The following LHPP variants were observed in gnomAD, a reference collection of about 807,000 sequenced individuals.
The protein encoded by LHPP is phospholysine phosphohistidine inorganic pyrophosphate phosphatase.
A neutral mutation model predicts 30.3 loss-of-function variants in LHPP; 24 were observed. The observed-to-expected ratio is 0.79, with a 90% confidence interval of 0.57 to 1.11. The LOEUF is 1.11. Among genes scored for constraint, LHPP ranks in the 50% most tolerant of loss-of-function variants. The probability of loss-of-function intolerance (pLI) is 0.00; values close to 1 mark genes in which losing one functional copy is unlikely to be tolerated. For missense variants in LHPP, 356 were observed against 367.2 expected, an observed-to-expected ratio of 0.97 and a Z score of 0.25; for synonymous variants, 150 against 157.1, an observed-to-expected ratio of 0.95 and a Z score of 0.34.
At chr10:124,585,905 C>T (rs535788297) in intron 6 of LHPP, among the ~76,000 whole-genome samples, 1 of 152,226 alleles carries the variant, frequency 6.6e-6, no homozygotes, top group East Asian at 2.0e-4. Flanking sequence ...CTGCCTCAGC[C>T]TCCGGAGTAG....
At chr10:124,600,254 A>C (rs557160235) in intron 6 of LHPP, among the ~76,000 whole-genome samples, 18 of 152,332 alleles carry the variant, frequency 1.2e-4, no homozygotes. Context: ...GGTTTGGCGC[A>C]GCCCCGGCTT....
chr10:124,565,999 G>C (rs1948484181), intron 6 of LHPP, among the ~76,000 whole-genome samples: 1 of 152,244 alleles, frequency 6.6e-6, no homozygotes, highest in Non-Finnish European at 1.5e-5. Context: ...GCCGAGGTGG[G>C]CCTGGAGCCG....
At chr10:124,481,933 A>G (rs1369585450) in intron 1 of LHPP, among the ~76,000 whole-genome samples, 2 of 151,798 alleles carry the variant, frequency 1.3e-5, no homozygotes, top group Non-Finnish European at 2.9e-5. Context: ...TCCTTTCCCC[A>G]CTATGTGGGA....
intron 5 of LHPP, among the ~76,000 whole-genome samples, chr10:124,513,462 C>CTTTTTTT (rs34225779): frequency 1.1e-5 from 1 of 92,218 alleles, no homozygotes; most frequent in Non-Finnish European, 1.9e-5. Context: ...ATTATTATTA[C>CTTTTTTT]TTTTTTTTTT....
At chr10:124,543,210 C>T (rs1299557685) in intron 6 of LHPP, among the ~76,000 whole-genome samples, 1 of 152,236 alleles carries the variant, frequency 6.6e-6, no homozygotes, top group Non-Finnish European at 1.5e-5. Context: ...ACTCCACCTC[C>T]CTGGCTGCTC....
intron 5 of LHPP, among the ~76,000 whole-genome samples, chr10:124,506,612 G>A (rs1954077730): frequency 6.7e-6 from 1 of 149,638 alleles, no homozygotes; most frequent in Admixed American, 6.7e-5. Flanking sequence ...CTCTCAGGGA[G>A]GACCAGCGGT....
chr10:124,491,392 A>C (rs907306678), intron 3 of LHPP, among the ~76,000 whole-genome samples: 1 of 152,202 alleles, frequency 6.6e-6, no homozygotes, highest in Admixed American at 6.5e-5. Flanking sequence ...GCCATTGGCC[A>C]CTGCCACACA....
chr10:124,525,808 G>T (rs969575861), intron 6 of LHPP, among the ~76,000 whole-genome samples: 3 of 152,196 alleles, frequency 2.0e-5, no homozygotes, highest in Non-Finnish European at 2.9e-5. Flanking sequence ...TAGCATTCTT[G>T]GTTCCTGAGC....
At chr10:124,490,434 C>G (rs926114851) in intron 3 of LHPP, 5 of 332,176 alleles carry the variant, frequency 1.5e-5, no homozygotes, top group Admixed American at 3.1e-5. Flanking sequence ...GAGAGACTGC[C>G]TGGCCTTCAT....
chr10:124,483,084 C>T (rs2133845289), intron 1 of LHPP, among the ~76,000 whole-genome samples: 1 of 152,054 alleles, frequency 6.6e-6, no homozygotes, highest in East Asian at 1.9e-4. Flanking sequence ...ATTCGCGGGT[C>T]TCCTATGAAG....
chr10:124,462,079 G>A (rs1168727250), intron 1 of LHPP, 92 bp downstream of exon 1: 5 of 1,108,396 alleles, frequency 4.5e-6, no homozygotes, highest in Non-Finnish European at 5.6e-6. Context: ...GCAGGGGGCG[G>A]GGCCGCGGCG....
At chr10:124,539,735 CAAAAA>C (rs34308960) in intron 6 of LHPP, among the ~76,000 whole-genome samples, 2 of 120,878 alleles carry the variant, frequency 1.7e-5, no homozygotes, top group East Asian at 4.9e-4. Flanking sequence ...AACCCTGTCT[CAAAAA>C]AAAAAAAAAA....
chr10:124,529,979 A>C (rs1282429171), intron 6 of LHPP, among the ~76,000 whole-genome samples: 2 of 152,202 alleles, frequency 1.3e-5, no homozygotes, highest in Non-Finnish European at 2.9e-5. Flanking sequence ...TGTGGTCCCA[A>C]GTGGGGGCGG....
intron 6 of LHPP, among the ~76,000 whole-genome samples, chr10:124,578,615 G>T (rs1948700848): frequency 6.6e-6 from 1 of 152,226 alleles, no homozygotes; most frequent in Non-Finnish European, 1.5e-5. Context: ...GAGGGAGAGG[G>T]TTCAGGGAGG....
chr10:124,521,162 G>C (rs1027371618), intron 6 of LHPP, among the ~76,000 whole-genome samples: 1 of 152,176 alleles, frequency 6.6e-6, no homozygotes, highest in African/African-American at 2.4e-5. Flanking sequence ...TCGCTCTCTG[G>C]AGGGCTGTTT....
At chr10:124,565,485 G>T (rs1948472423) in intron 6 of LHPP, among the ~76,000 whole-genome samples, 1 of 152,144 alleles carries the variant, frequency 6.6e-6, no homozygotes, top group Non-Finnish European at 1.5e-5. Flanking sequence ...TGGAGCTGGG[G>T]TTCCAGATTT....
At chr10:124,463,948 C>T (rs11245042) in intron 1 of LHPP, among the ~76,000 whole-genome samples, 6,344 of 151,818 alleles carry the variant, frequency 0.042, 175 homozygotes, top group East Asian at 0.11. Flanking sequence ...TCCCAAGTAG[C>T]TGGAACTACA....
chr10:124,578,137 T>G (rs752509458), intron 6 of LHPP, among the ~76,000 whole-genome samples: 1 of 152,170 alleles, frequency 6.6e-6, no homozygotes, highest in Admixed American at 6.5e-5. Flanking sequence ...GAGTTCCCAC[T>G]GCCTTCCTAG....
chr10:124,493,314 C>G (rs980988194), intron 3 of LHPP, among the ~76,000 whole-genome samples: 6 of 152,232 alleles, frequency 3.9e-5, no homozygotes, highest in South Asian at 2.1e-4. Context: ...CTGAGGACCC[C>G]CCGAGAGCTG....
Sources: allele counts gnomAD v4.1 joint callset (sites outside exome capture counted in the v4.1 genomes callset), GRCh38; gene constraint gnomAD v4.1.1; transcripts MANE v1.5; gene names NCBI Gene and HGNC (gene_info 2026-07-23, HGNC 2026-07-21).